The following PDE1C variants were observed in gnomAD, a reference collection of about 807,000 sequenced individuals.
PDE1C encodes the protein dual specificity calcium/calmodulin-dependent 3',5'-cyclic nucleotide phosphodiesterase 1C.
A neutral mutation model predicts 93.1 loss-of-function variants in PDE1C; 62 were observed. That is an observed-to-expected ratio of 0.67 (90% CI 0.54 to 0.82). The LOEUF (loss-of-function observed/expected upper bound fraction) is 0.82, where lower values mean the gene tolerates loss of function less well. Among genes scored for constraint, PDE1C ranks in the 40% least tolerant of loss-of-function variants. PDE1C has a pLI of 0.00. For synonymous variants in PDE1C, 325 were observed against 310.1 expected (o/e 1.05, Z -0.50); for missense variants, 742 against 884.6 (o/e 0.84, Z 2.04).
intron 5 of PDE1C, among the ~76,000 whole-genome samples, chr7:31,873,662 T>C (rs1325171508): frequency 6.6e-6 from 1 of 152,232 alleles, no homozygotes; most frequent in Non-Finnish European, 1.5e-5. Flanking sequence ...ACAGGCATTA[T>C]GGTTGGTGAT....
chr7:32,018,018 T>G (rs1788144264), intron 2 of PDE1C, among the ~76,000 whole-genome samples: 1 of 151,818 alleles, frequency 6.6e-6, no homozygotes, highest in Admixed American at 6.6e-5. Context: ...AAGTGGAGGT[T>G]GCAGTAAACC....
intron 2 of PDE1C, among the ~76,000 whole-genome samples, chr7:32,008,501 C>G (rs1387721407): frequency 6.6e-6 from 1 of 152,206 alleles, no homozygotes; most frequent in Non-Finnish European, 1.5e-5. Context: ...TTGGTCCCTA[C>G]TACTGGGTTC....
At chr7:31,866,621 C>A (rs1327092604) in intron 6 of PDE1C, among the ~76,000 whole-genome samples, 2 of 152,150 alleles carry the variant, frequency 1.3e-5, no homozygotes, top group Non-Finnish European at 2.9e-5. Flanking sequence ...CTATAGGCAT[C>A]TGGCACTCAC....
chr7:31,879,203 A>G, intron 3 of PDE1C, 25 bp from the exon 4 acceptor site: 4 of 1,597,074 alleles, frequency 2.5e-6, no homozygotes, highest in Non-Finnish European at 2.6e-6. Flanking sequence ...CAGAATCAGC[A>G]CACTGAGATT....
intron 1 of PDE1C, among the ~76,000 whole-genome samples, chr7:32,288,546 G>T (rs556839856): frequency 1.3e-5 from 2 of 152,290 alleles, no homozygotes; most frequent in Non-Finnish European, 2.9e-5. Flanking sequence ...CTGGGTTTCT[G>T]TGGGGCCCAG....
chr7:31,749,204 A>G (rs1379663202), downstream of PDE1C, among the ~76,000 whole-genome samples: 6 of 152,076 alleles, frequency 3.9e-5, no homozygotes, highest in African/African-American at 1.4e-4. Context: ...AGCACCTATA[A>G]ATGAAAGTCA....
chr7:32,152,686 A>G (rs1801331187), intron 3 of PDE1C, among the ~76,000 whole-genome samples: 1 of 152,242 alleles, frequency 6.6e-6, no homozygotes, highest in African/African-American at 2.4e-5. Flanking sequence ...CTTATATCAT[A>G]GCATTCCTTT....
chr7:31,632,709 A>G, the PDE1C span, among the ~76,000 whole-genome samples: 1 of 152,128 alleles, frequency 6.6e-6, no homozygotes, highest in Non-Finnish European at 1.5e-5. Context: ...CCTCGTTTCC[A>G]TGTTGGTCAG....
intron 16 of PDE1C, among the ~76,000 whole-genome samples, chr7:31,804,807 C>T (rs1387450525): frequency 4.0e-5 from 6 of 151,740 alleles, no homozygotes; most frequent in South Asian, 4.1e-4. Flanking sequence ...ATCTGATAAA[C>T]GAGGTGGCTA....
intron 3 of PDE1C, among the ~76,000 whole-genome samples, chr7:32,101,820 C>T (rs1187365653): frequency 6.6e-6 from 1 of 152,038 alleles, no homozygotes; most frequent in Non-Finnish European, 1.5e-5. Context: ...TATAAAGATA[C>T]CTGAAGATGT....
the PDE1C span, among the ~76,000 whole-genome samples, chr7:31,663,154 C>G: frequency 1.3e-5 from 2 of 152,186 alleles, no homozygotes; most frequent in African/African-American, 2.4e-5. Context: ...CTCATGGGCT[C>G]CTTTTCCTGG....
intron 1 of PDE1C, among the ~76,000 whole-genome samples, chr7:32,293,219 A>C (rs1303041493): frequency 6.6e-6 from 1 of 152,162 alleles, no homozygotes; most frequent in Admixed American, 6.5e-5. Context: ...CCATTTATTC[A>C]GAGAAGAAAA....
intron 3 of PDE1C, among the ~76,000 whole-genome samples, chr7:32,145,194 G>T (rs578120535): frequency 1.2e-3 from 189 of 152,290 alleles, no homozygotes; most frequent in African/African-American, 4.3e-3. Flanking sequence ...AAGGCAGAAA[G>T]GTCATTTGGG....
chr7:32,216,958 C>A (rs200386470), intron 1 of PDE1C, among the ~76,000 whole-genome samples: 2 of 152,104 alleles, frequency 1.3e-5, no homozygotes, highest in East Asian at 3.9e-4. Flanking sequence ...GCAATGGGGG[C>A]GGTCACCCGC....
intron 2 of PDE1C, among the ~76,000 whole-genome samples, chr7:31,971,039 G>A (rs530626133): frequency 1.3e-5 from 2 of 152,278 alleles, no homozygotes; most frequent in South Asian, 4.1e-4. Context: ...CTACTCCAGG[G>A]GCTGAGGTAG....
At chr7:31,872,354 T>C (rs962098748) in intron 6 of PDE1C, among the ~76,000 whole-genome samples, 2 of 152,100 alleles carry the variant, frequency 1.3e-5, no homozygotes, top group African/African-American at 4.8e-5. Flanking sequence ...GAATGTATTG[T>C]GCATTTCAAA....
chr7:32,246,497 T>C (rs1183629170), intron 1 of PDE1C, among the ~76,000 whole-genome samples: 1 of 138,590 alleles, frequency 7.2e-6, no homozygotes, highest in East Asian at 2.1e-4. Flanking sequence ...CTACTGGCCA[T>C]GGCTGGTCAA....
intron 1 of PDE1C, among the ~76,000 whole-genome samples, chr7:32,420,120 TATATACACACACACACAC>T (rs1412853222): frequency 4.3e-5 from 1 of 23,176 alleles, no homozygotes; most frequent in African/African-American, 1.3e-4. Context: ...TATATATATA[TATATACACACACACACAC>T]ACACACACAC....
intron 2 of PDE1C, among the ~76,000 whole-genome samples, chr7:31,984,680 T>C (rs998414): frequency 0.56 from 84,564 of 152,088 alleles, 23,893 homozygotes; most frequent in Admixed American, 0.62. Context: ...CCAGTCTAGA[T>C]AGAGAATTCT....
Sources: allele counts gnomAD v4.1 joint callset (sites outside exome capture counted in the v4.1 genomes callset), GRCh38; gene constraint gnomAD v4.1.1; transcripts MANE v1.5; gene names NCBI Gene and HGNC (gene_info 2026-07-23, HGNC 2026-07-21).